CLDN20: variants seen among roughly 807,000 people sequenced by gnomAD.
The protein encoded by CLDN20 is claudin-20.
For synonymous variants in CLDN20, 104 were observed against 103.6 expected (o/e 1.00, Z -0.03); for missense variants, 258 against 267.9 (o/e 0.96, Z 0.26).
intron 1 of CLDN20, among the ~76,000 whole-genome samples, chr6:155,270,446 T>C (rs1784867638): frequency 6.6e-6 from 1 of 152,216 alleles, no homozygotes; most frequent in Non-Finnish European, 1.5e-5. Flanking sequence ...ACTTCTACTT[T>C]CCTAGCTCCT....
intron 1 of CLDN20, among the ~76,000 whole-genome samples, chr6:155,267,731 C>A (rs1348906138): frequency 2.0e-5 from 3 of 152,120 alleles, no homozygotes; most frequent in Non-Finnish European, 4.4e-5. Context: ...CCTCCTGGCC[C>A]CTTGACTCTG....
At chr6:155,266,621 C>T (rs778829351) in intron 1 of CLDN20, among the ~76,000 whole-genome samples, 6 of 151,858 alleles carry the variant, frequency 4.0e-5, no homozygotes, top group Admixed American at 2.6e-4. Context: ...CCAAAGCGGG[C>T]GAATCATGAG....
chr6:155,273,036 A>ATTTCT, intron 1 of CLDN20, among the ~76,000 whole-genome samples: 1 of 152,352 alleles, frequency 6.6e-6, no homozygotes. Context: ...ATGTTCCAGC[A>ATTTCT]ACCCCACACT....
At chr6:155,265,152 T>C (rs930914092) in intron 1 of CLDN20, among the ~76,000 whole-genome samples, 2 of 152,146 alleles carry the variant, frequency 1.3e-5, no homozygotes, top group African/African-American at 4.8e-5. Flanking sequence ...GGTTTGTGGA[T>C]GTGGCAGGAG....
At chr6:155,270,375 A>G (rs1445979138) in intron 1 of CLDN20, among the ~76,000 whole-genome samples, 2 of 152,172 alleles carry the variant, frequency 1.3e-5, no homozygotes, top group Non-Finnish European at 2.9e-5. Context: ...AAAGATTAAT[A>G]TCCCTTTAAT....
chr6:155,276,466 T>C lies in CLDN20; in HGVS notation c.*87T>C, dbSNP rs777017375. On this transcript the variant is annotated 3_prime_UTR_variant, in exon 2 of 2. Coordinates refer to ENST00000367165, the MANE Select transcript of CLDN20 (RefSeq NM_001001346.3). The stretch of plus-strand genomic sequence containing the variant: ...AAAAAATCAGAATTATGCTTAACTT[T>C]CCCTACAAAGAAAGTAGAATGTAAA... The C allele has an allele frequency of 8.2e-7, 1 of 1,218,150 alleles. No individual in the cohort carries two copies. The allele number at this position is 1,218,150 out of a possible 1,614,324, so 75.5% of individuals were successfully genotyped here. A position where few individuals can be genotyped will look rare whatever the true frequency, so the allele number is the denominator to read the frequency against.
In CLDN20 at chr6:155,264,720, A is replaced by G. The variant is rs117668219; in HGVS notation, c.-105+432A>G. ...TCCTCTCAGAGCAGATGTGGTAGGA[A>G]GAACTGAGGCCAAGAGAATGACAGC... On this transcript the variant is annotated intron_variant, in intron 1 of 1. Transcript: ENST00000367165. Among the ~76,000 whole-genome samples, 52 of 152,332 alleles carry G rather than the reference A, an allele frequency of 3.4e-4. No individual in the cohort carries two copies. In the East Asian group the frequency reaches 8.9e-3, roughly 26 times the overall value.
In CLDN20 at chr6:155,276,412, T is replaced by A. The variant is rs769992530; in HGVS notation, c.*33T>A. 4 of 1,570,590 alleles carry A rather than the reference T, an allele frequency of 2.5e-6. No homozygotes were observed. Among genetic ancestry groups the A allele is most frequent in the Non-Finnish European group, 3.5e-6 (4 of 1,155,536 alleles). ...AGTAATGCATATGAAATGGAACTTT[T>A]GGGTGCCAAATGGGACTTTTAGATT... On this transcript the variant is annotated 3_prime_UTR_variant, in exon 2 of 2. Coordinates refer to ENST00000367165, the MANE Select transcript of CLDN20 (RefSeq NM_001001346.3).
rs748605256 is a variant in CLDN20, at chr6:155,275,949, T to C, written c.230T>C (p.Val77Ala). 1.2e-6 allele frequency: 2 copies of C among 1,614,214 alleles called. No homozygotes were observed. The highest frequency in any genetic ancestry group is 1.7e-6 in the Non-Finnish European group (2 of 1,180,042). Residue 77 changes from valine to alanine, a missense_variant, in exon 2 of 2, where the codon GTG (valine) becomes GCG (alanine). Physicochemically the swap from Val to Ala is moderately conservative, Grantham distance 64. Transcript: ENST00000367165. ...KHSILSLPIH[V>A]QAARATMVLA... ...TCCATTCTGTCCCTCCCCATCCACG[T>C]GCAGGCTGCGAGAGCCACCATGGTC...
At position 155,275,943 on chromosome 6, in the gene CLDN20, T is replaced by C. The variant is rs749739921; in HGVS notation, c.224T>C (p.Ile75Thr). The change falls in exon 2 of 2, where the codon ATC becomes ACC. Residue 75 changes from isoleucine to threonine, a missense_variant. Physicochemically the swap from Ile to Thr is moderately conservative, Grantham distance 89. Transcript: ENST00000367165. Reference sequence around the variant, plus strand: ...AAACACTCCATTCTGTCCCTCCCCATCCACGTGCAGGCTGCGAGAGCCACC... The same window carrying C: ...AAACACTCCATTCTGTCCCTCCCCACCCACGTGCAGGCTGCGAGAGCCACC... The part of the protein sequence containing the change: ...ALKHSILSLP[I>T]HVQAARATMV... 6.2e-7 allele frequency: 1 copy of C among 1,613,988 alleles called. No individual in the cohort carries two copies. The highest frequency in any genetic ancestry group is 8.5e-7 in the Non-Finnish European group (1 of 1,180,034).
intron 1 of CLDN20, among the ~76,000 whole-genome samples, chr6:155,272,956 G>C (rs982072103): frequency 6.6e-6 from 1 of 152,240 alleles, no homozygotes; most frequent in South Asian, 2.1e-4. Context: ...TGACAACAAA[G>C]GTTATTCAGT....
intron 1 of CLDN20, among the ~76,000 whole-genome samples, chr6:155,268,098 A>G (rs1235055607): frequency 1.3e-5 from 2 of 152,178 alleles, no homozygotes; most frequent in African/African-American, 2.4e-5. Flanking sequence ...AGAATTTATG[A>G]ACACCCTTTA....
chr6:155,273,780 A>G (rs1303664961), intron 1 of CLDN20, among the ~76,000 whole-genome samples: 2 of 152,182 alleles, frequency 1.3e-5, no homozygotes, highest in Admixed American at 1.3e-4. Flanking sequence ...ACTGTATGAC[A>G]TGGGGTGATA....
chr6:155,267,961 C>A (rs1394514583), intron 1 of CLDN20, among the ~76,000 whole-genome samples: 1 of 152,202 alleles, frequency 6.6e-6, no homozygotes, highest in Non-Finnish European at 1.5e-5. Context: ...ACTGAAACAT[C>A]TGAAACCAAT....
intron 1 of CLDN20, among the ~76,000 whole-genome samples, chr6:155,264,974 TG>T (rs1234188489): frequency 6.6e-6 from 1 of 152,228 alleles, no homozygotes; most frequent in African/African-American, 2.4e-5. Flanking sequence ...AACTGACAAT[TG>T]TTGTATAAAG....
chr6:155,268,199 T>A (rs1167141716), intron 1 of CLDN20, among the ~76,000 whole-genome samples: 2 of 152,166 alleles, frequency 1.3e-5, no homozygotes, highest in African/African-American at 2.4e-5. Flanking sequence ...AGTCTGTCTG[T>A]CTCCAATTCT....
rs544359726 is a variant in CLDN20 at position 155,264,110 on chromosome 6, G to A, written c.-283G>A. ...TATAGGCACCACAAAATGGAACGCAGGAGGACAGGGGCTTGGGAGAGCCAC... is the reference window on the plus strand; with the variant it reads ...TATAGGCACCACAAAATGGAACGCAAGAGGACAGGGGCTTGGGAGAGCCAC... On this transcript the variant is annotated 5_prime_UTR_variant, in exon 1 of 2. Coordinates refer to ENST00000367165, the MANE Select transcript of CLDN20 (RefSeq NM_001001346.3). The A allele has an allele frequency of 7.2e-5, 11 of 152,326 alleles. No individual in the cohort carries two copies. The highest frequency in any genetic ancestry group is 2.4e-4 in the African/African-American group (10 of 41,564). The allele number at this position is 152,326 out of a possible 1,614,324, so 9.4% of individuals were successfully genotyped here.
chr6:155,274,901 T>C (rs1265844084), intron 1 of CLDN20, among the ~76,000 whole-genome samples: 1 of 152,256 alleles, frequency 6.6e-6, no homozygotes, highest in East Asian at 1.9e-4. Context: ...TTCCTTATTA[T>C]GTATTGAGTA....
At position 155,276,208 on chromosome 6, in the gene CLDN20, T is replaced by C; in HGVS notation, c.489T>C (p.Ala163=). The part of the protein sequence containing the change: ...PESNKHEPGG[A]IYIGFISAML... ...GCAACAAACATGAACCTGGAGGAGC[T>C]ATCTATATCGGATTCATTTCTGCAA... Residue 163 remains alanine (A), a synonymous_variant, in exon 2 of 2, where the codon GCT becomes GCC. Transcript: ENST00000367165. 1 of 1,614,132 alleles carries C rather than the reference T, an allele frequency of 6.2e-7. No homozygotes were observed. Among genetic ancestry groups the C allele is most frequent in the East Asian group, 2.2e-5 (1 of 44,880 alleles).
Sources: gnomAD v4.1 joint callset for allele counts (sites outside exome capture counted in the v4.1 genomes callset) on GRCh38, gnomAD v4.1.1 for gene constraint, MANE v1.5 for transcripts, NCBI Gene and HGNC (gene_info 2026-07-23, HGNC 2026-07-21) for gene names.